Variants in THSD7B observed in about 807,000 individuals in gnomAD.
The protein encoded by THSD7B is thrombospondin type-1 domain-containing protein 7B.
In THSD7B, 138 loss-of-function variants were observed where a neutral mutation model predicts 213.6. The ratio of observed to expected loss-of-function variants is 0.65; its 90% confidence interval spans 0.56 to 0.74. THSD7B has a LOEUF of 0.74. THSD7B is among the 30% of genes least tolerant of loss of function. The pLI is 0.00. For synonymous variants in THSD7B, 742 were observed against 687.0 expected, an observed-to-expected ratio of 1.08 and a Z score of -1.25; for missense variants, 1,931 against 1,991.5, an observed-to-expected ratio of 0.97 and a Z score of 0.58.
chr2:137,545,748 T>C (rs1680695065), intron 15 of THSD7B, among the ~76,000 whole-genome samples: 1 of 151,900 alleles, frequency 6.6e-6, no homozygotes, highest in Non-Finnish European at 1.5e-5. Flanking sequence ...ACATTTATTA[T>C]GAGCCCATCA....
chr2:137,014,829 T>G (rs1465924500), intron 2 of THSD7B, among the ~76,000 whole-genome samples: 1 of 152,092 alleles, frequency 6.6e-6, no homozygotes, highest in East Asian at 1.9e-4. Context: ...CAACTAGACA[T>G]CTTCAATTTC....
chr2:137,147,488 T>C (rs1380234428), intron 5 of THSD7B, among the ~76,000 whole-genome samples: 3 of 152,040 alleles, frequency 2.0e-5, no homozygotes, highest in African/African-American at 7.2e-5. Flanking sequence ...AGGCACATAT[T>C]TATTTTAGAG....
At chr2:136,839,203 A>G (rs947530766) in intron 1 of THSD7B, among the ~76,000 whole-genome samples, 1 of 152,174 alleles carries the variant, frequency 6.6e-6, no homozygotes, top group Non-Finnish European at 1.5e-5. Flanking sequence ...GAGTTTCCTC[A>G]TACACTTGAG....
At chr2:136,794,048 T>C (rs1310641820) in intron 1 of THSD7B, among the ~76,000 whole-genome samples, 1 of 151,758 alleles carries the variant, frequency 6.6e-6, no homozygotes, top group Non-Finnish European at 1.5e-5. Context: ...ATTCTCTCAT[T>C]ATCTGTTTCC....
At chr2:137,241,022 G>GT (rs1253043100) in intron 9 of THSD7B, among the ~76,000 whole-genome samples, 4 of 152,104 alleles carry the variant, frequency 2.6e-5, no homozygotes, top group African/African-American at 9.7e-5. Context: ...CTAGACTGGT[G>GT]TTTTTTCAAT....
At chr2:137,555,433 G>C (rs1377271354) in intron 15 of THSD7B, among the ~76,000 whole-genome samples, 1 of 152,126 alleles carries the variant, frequency 6.6e-6, no homozygotes, top group Non-Finnish European at 1.5e-5. Context: ...AGGCAAACAG[G>C]GCCTGGAGTG....
intron 17 of THSD7B, among the ~76,000 whole-genome samples, chr2:137,615,638 G>T (rs1231119536): frequency 1.3e-5 from 2 of 152,156 alleles, no homozygotes; most frequent in African/African-American, 4.8e-5. Context: ...CATGCTCTGT[G>T]GACCAAAGGC....
chr2:136,928,395 G>A (rs997179011), intron 2 of THSD7B, among the ~76,000 whole-genome samples: 1 of 152,168 alleles, frequency 6.6e-6, no homozygotes, highest in African/African-American at 2.4e-5. Context: ...ACCATTCTAA[G>A]TTGGGAACCA....
At chr2:137,620,289 G>A (rs775003665) in intron 19 of THSD7B, among the ~76,000 whole-genome samples, 14 of 152,282 alleles carry the variant, frequency 9.2e-5, no homozygotes, top group South Asian at 2.1e-4. Context: ...TGAAGTTGGC[G>A]TTGAAGTGTC....
chr2:137,657,276 A>G (rs1237054553), intron 24 of THSD7B, 116 bp downstream of exon 24: 4 of 883,918 alleles, frequency 4.5e-6, no homozygotes, highest in East Asian at 5.4e-5. Flanking sequence ...GGTAGCTTAG[A>G]TGAATTTTAT....
chr2:136,858,859 C>A (rs1211148017), intron 1 of THSD7B, among the ~76,000 whole-genome samples: 1 of 152,160 alleles, frequency 6.6e-6, no homozygotes, highest in African/African-American at 2.4e-5. Flanking sequence ...CAGGCGGATG[C>A]GACAGATGTT....
chr2:137,086,334 C>T (rs1687841483), intron 3 of THSD7B, among the ~76,000 whole-genome samples: 1 of 151,950 alleles, frequency 6.6e-6, no homozygotes, highest in Non-Finnish European at 1.5e-5. Flanking sequence ...AAGACCCCAC[C>T]ACCCCCACCA....
chr2:137,588,161 C>T (rs556736715), intron 17 of THSD7B, among the ~76,000 whole-genome samples: 1 of 152,318 alleles, frequency 6.6e-6, no homozygotes, highest in Non-Finnish European at 1.5e-5. Context: ...TCCTGGTCTG[C>T]CGTTTGCTAA....
At chr2:137,279,490 C>G (rs1262208290) in intron 12 of THSD7B, among the ~76,000 whole-genome samples, 1 of 152,122 alleles carries the variant, frequency 6.6e-6, no homozygotes, top group Non-Finnish European at 1.5e-5. Flanking sequence ...CTACAGTGAG[C>G]TGTGATCATG....
chr2:137,346,235 C>T (rs538631840), intron 12 of THSD7B, among the ~76,000 whole-genome samples: 4 of 151,732 alleles, frequency 2.6e-5, no homozygotes, highest in African/African-American at 9.6e-5. Context: ...GCCACTGAAA[C>T]GTTATACTCC....
intron 12 of THSD7B, among the ~76,000 whole-genome samples, chr2:137,320,710 G>A (rs1228042138): frequency 6.6e-6 from 1 of 152,206 alleles, no homozygotes; most frequent in Non-Finnish European, 1.5e-5. Context: ...TACAAAGGTG[G>A]AATGGAAAGA....
chr2:137,598,289 G>T (rs1259627222), intron 17 of THSD7B, among the ~76,000 whole-genome samples: 1 of 152,154 alleles, frequency 6.6e-6, no homozygotes, highest in Non-Finnish European at 1.5e-5. Flanking sequence ...TGAAATATAT[G>T]TCACTGCTAC....
At chr2:137,420,273 C>T (rs1010825313) in intron 14 of THSD7B, among the ~76,000 whole-genome samples, 1 of 152,166 alleles carries the variant, frequency 6.6e-6, no homozygotes, top group East Asian at 1.9e-4. Context: ...ATACCATTTG[C>T]TGGCAGGGGT....
intron 15 of THSD7B, among the ~76,000 whole-genome samples, chr2:137,556,018 G>A (rs908911178): frequency 6.6e-6 from 1 of 152,142 alleles, no homozygotes; most frequent in African/African-American, 2.4e-5. Context: ...AACGAACAAA[G>A]CCTCCAAGAA....
Sources: allele counts gnomAD v4.1 joint callset (sites outside exome capture counted in the v4.1 genomes callset), GRCh38; gene constraint gnomAD v4.1.1; transcripts MANE v1.5; gene names NCBI Gene and HGNC (gene_info 2026-07-23, HGNC 2026-07-21).